Variants in GABBR2 observed in about 807,000 individuals in gnomAD.
GABBR2 encodes G-protein coupled receptor 51.
A neutral mutation model predicts 105.6 loss-of-function variants in GABBR2; 23 were observed. The observed-to-expected ratio is 0.22, with a 90% CI of 0.16 to 0.31. GABBR2 has a LOEUF of 0.31. Ranked by LOEUF, GABBR2 falls within the 10% of genes least tolerant of loss-of-function variation. The pLI, the probability that GABBR2 is intolerant of heterozygous loss-of-function variation, is 1.00. For missense variants in GABBR2, 734 were observed against 1,245.5 expected (o/e 0.59, Z 6.18); for synonymous variants, 478 against 499.7 (o/e 0.96, Z 0.58).
intron 16 of GABBR2, among the ~76,000 whole-genome samples, chr9:98,299,575 A>G (rs758823110): frequency 1.3e-5 from 2 of 152,156 alleles, no homozygotes; most frequent in Non-Finnish European, 2.9e-5. Flanking sequence ...CTTTGCAATT[A>G]TGTGTTCAGT....
At position 98,418,765 on chromosome 9, in the gene GABBR2, C is replaced by T. The variant is rs182108659; in HGVS notation, c.1237-12624G>A. Among the ~76,000 whole-genome samples the T allele has an allele frequency of 5.8e-3, 881 of 152,194 alleles. 3 individuals carry two copies. Among genetic ancestry groups the T allele is most frequent in the Non-Finnish European group, 7.3e-3 (497 of 68,008 alleles). On this transcript the variant is annotated intron_variant, in intron 7 of 18. Transcript: ENST00000259455. ...ACAGAGTTGGCAGAGGAGAACTGAC[C>T]AGAGCAGTGGCTGGCATCTTTGCCC... is the stretch of plus-strand genomic sequence containing the variant.
chr9:98,625,146 C>T (rs1448216128), intron 1 of GABBR2, among the ~76,000 whole-genome samples: 1 of 152,228 alleles, frequency 6.6e-6, no homozygotes, highest in Non-Finnish European at 1.5e-5. Context: ...GCAGAGGGCC[C>T]CACAAAGGGG....
At chr9:98,416,823 C>T (rs1832697758) in intron 7 of GABBR2, among the ~76,000 whole-genome samples, 1 of 152,206 alleles carries the variant, frequency 6.6e-6, no homozygotes, top group African/African-American at 2.4e-5. Flanking sequence ...CTCCTTCCTC[C>T]TCCCATCACC....
intron 13 of GABBR2, among the ~76,000 whole-genome samples, chr9:98,345,437 C>G (rs957442172): frequency 3.3e-5 from 5 of 152,216 alleles, no homozygotes; most frequent in African/African-American, 1.2e-4. Flanking sequence ...GCCATCAAAA[C>G]TATTCAAAAC....
intron 3 of GABBR2, among the ~76,000 whole-genome samples, chr9:98,510,481 G>C (rs1326763321): frequency 6.6e-6 from 1 of 152,086 alleles, no homozygotes; most frequent in African/African-American, 2.4e-5. Flanking sequence ...CTGGCAAATT[G>C]GATAAAGAGT....
intron 4 of GABBR2, among the ~76,000 whole-genome samples, chr9:98,483,697 T>G (rs1208178584): frequency 2.6e-5 from 4 of 151,998 alleles, no homozygotes; most frequent in Non-Finnish European, 4.4e-5. Flanking sequence ...CCCTTCCCTC[T>G]CCTCCCACTT....
chr9:98,508,760 A>C (rs1467632997), intron 3 of GABBR2, among the ~76,000 whole-genome samples: 1 of 113,998 alleles, frequency 8.8e-6, no homozygotes, highest in African/African-American at 2.8e-5. Context: ...TTAGGTAAAC[A>C]AAGCGGCAGG....
chr9:98,485,526 G>A (rs566136255), intron 4 of GABBR2, among the ~76,000 whole-genome samples: 11 of 151,572 alleles, frequency 7.3e-5, no homozygotes, highest in African/African-American at 2.2e-4. Flanking sequence ...ACACAGGCAC[G>A]CACACACACT....
chr9:98,560,067 G>C (rs1054141087), intron 2 of GABBR2, among the ~76,000 whole-genome samples: 1 of 151,512 alleles, frequency 6.6e-6, no homozygotes, highest in Admixed American at 6.6e-5. Context: ...AATAACAATG[G>C]TCACATTATA....
chr9:98,479,551 G>A (rs994589895), intron 5 of GABBR2, among the ~76,000 whole-genome samples: 14 of 152,168 alleles, frequency 9.2e-5, no homozygotes, highest in African/African-American at 3.4e-4. Context: ...GAAGATGATC[G>A]GACAGTTCTC....
At chr9:98,676,486 G>A (rs2131865617) in intron 1 of GABBR2, among the ~76,000 whole-genome samples, 1 of 152,340 alleles carries the variant, frequency 6.6e-6, no homozygotes, top group Middle Eastern at 3.4e-3. Flanking sequence ...TTGCAGCTAG[G>A]TATGACTATG....
intron 1 of GABBR2, among the ~76,000 whole-genome samples, chr9:98,661,253 G>T (rs569025782): frequency 6.6e-6 from 1 of 152,168 alleles, no homozygotes; most frequent in South Asian, 2.1e-4. Flanking sequence ...TTTTGCCATG[G>T]AAGGCAACAT....
intron 11 of GABBR2, among the ~76,000 whole-genome samples, chr9:98,380,211 C>G (rs974605908): frequency 1.3e-5 from 2 of 152,144 alleles, no homozygotes; most frequent in African/African-American, 4.8e-5. Context: ...CTTGGTGACT[C>G]GCAGAGGCTG....
At chr9:98,703,707 G>T (rs1358242477) in intron 1 of GABBR2, among the ~76,000 whole-genome samples, 2 of 151,774 alleles carry the variant, frequency 1.3e-5, no homozygotes, top group Non-Finnish European at 2.9e-5. Flanking sequence ...GCTCAGGCTG[G>T]TCTTGAACTC....
At chr9:98,579,281 G>T (rs889945814) in intron 1 of GABBR2, among the ~76,000 whole-genome samples, 13 of 152,154 alleles carry the variant, frequency 8.5e-5, no homozygotes, top group East Asian at 3.9e-4. Flanking sequence ...AGGAGCTTCC[G>T]TATTAGAGAG....
At chr9:98,363,515 G>C (rs1437184576) in intron 12 of GABBR2, among the ~76,000 whole-genome samples, 1 of 152,082 alleles carries the variant, frequency 6.6e-6, no homozygotes, top group Non-Finnish European at 1.5e-5. Flanking sequence ...TTTGGACCGA[G>C]ATCTGTTTTC....
chr9:98,482,850 G>T (rs7866071), intron 4 of GABBR2, among the ~76,000 whole-genome samples: 19 of 151,762 alleles, frequency 1.3e-4, no homozygotes, highest in Admixed American at 2.0e-4. Context: ...CCTCGTGCCT[G>T]CCTGGCCACT....
chr9:98,433,326 T>C (rs1337424502), intron 7 of GABBR2, among the ~76,000 whole-genome samples: 1 of 152,198 alleles, frequency 6.6e-6, no homozygotes, highest in East Asian at 1.9e-4. Flanking sequence ...ATGCCATGGG[T>C]CTGTAAGTAT....
chr9:98,498,260 G>A (rs1438286455), intron 3 of GABBR2, among the ~76,000 whole-genome samples: 1 of 152,056 alleles, frequency 6.6e-6, no homozygotes, highest in Non-Finnish European at 1.5e-5. Context: ...TTGTTTAATG[G>A]GCACAGAGTT....
Sources: allele counts gnomAD v4.1 joint callset (sites outside exome capture counted in the v4.1 genomes callset), GRCh38; gene constraint gnomAD v4.1.1; transcripts MANE v1.5; gene names NCBI Gene and HGNC (gene_info 2026-07-23, HGNC 2026-07-21).